BPIFB6: variants seen among roughly 807,000 people sequenced by gnomAD.
BPIFB6 encodes BPI fold-containing family B member 6.
A neutral mutation model predicts 54.7 loss-of-function variants in BPIFB6; 47 were observed. That is an observed-to-expected ratio of 0.86 (90% CI 0.68 to 1.10). The LOEUF is 1.10. BPIFB6 is among the 50% of genes least tolerant of loss of function. The probability of loss-of-function intolerance (pLI) is 0.00; values close to 1 mark genes in which losing one functional copy is unlikely to be tolerated. For synonymous variants in BPIFB6, 255 were observed against 225.9 expected (o/e 1.13, Z -1.16); for missense variants, 603 against 564.1 (o/e 1.07, Z -0.70).
Position 33,042,832 on chromosome 20 carries a change from C to A in BPIFB6, c.1206C>A (p.Gly402=), listed in dbSNP as rs1398213393. ...CTTTCCAGGAGAGGGAATTAACTGG[C>A]TTCATCACCAGCTATCTCGAAGAAG... The part of the protein sequence containing the change: ...IGNFNERELT[G]FITSYLEEAY... The change falls in exon 13 of 15, where the codon GGC becomes GGA. Residue 402 remains glycine, a synonymous_variant. Transcript: ENST00000349552. 2 of 1,614,156 alleles carry A rather than the reference C, an allele frequency of 1.2e-6. No individual in the cohort carries two copies. Among genetic ancestry groups the A allele is most frequent in the South Asian group, 2.2e-5 (2 of 91,082 alleles).
At chr20:33,033,357 G>A (rs1430414648) in intron 2 of BPIFB6, 1 of 545,470 alleles carries the variant, frequency 1.8e-6, no homozygotes, top group Non-Finnish European at 3.5e-6. Context: ...TTTCAACTCT[G>A]CATGCAACAT....
In BPIFB6 at chr20:33,042,786, T is replaced by C. The variant is rs746748239; in HGVS notation, c.1189-29T>C. ...TTGAATGGTATTGGACTGAATGGAA[T>C]GTGGATGCTTTCTCTTTCTTCTTTC... is the stretch of plus-strand genomic sequence containing the variant. On this transcript the variant is annotated intron_variant, in intron 12 of 14. Coordinates refer to ENST00000349552, the MANE Select transcript of BPIFB6 (RefSeq NM_174897.2). 1.1e-5 allele frequency: 18 copies of C among 1,604,150 alleles called. No individual in the cohort carries two copies. The East Asian group carries it at 2.0e-4, about 18-fold the overall frequency.
intron 12 of BPIFB6, among the ~76,000 whole-genome samples, chr20:33,042,276 G>C (rs535433496): frequency 2.7e-4 from 41 of 152,332 alleles, no homozygotes; most frequent in South Asian, 1.7e-3. Flanking sequence ...GGCAGCCTGG[G>C]TTGGCCTTGG....
At chr20:33,043,472 G>A in intron 14 of BPIFB6, 105 bp downstream of exon 14, 1 of 1,061,986 alleles carries the variant, frequency 9.4e-7, no homozygotes, top group Non-Finnish European at 1.5e-6. Context: ...AGCCTGGGAG[G>A]GCAGGTGGCC....
rs1160935194 is a variant in BPIFB6 at position 33,035,623 on chromosome 20, C to T, written c.528C>T (p.Ala176=). 1.2e-6 allele frequency: 2 copies of T among 1,614,214 alleles called. No homozygotes were observed. Among genetic ancestry groups the T allele is most frequent in the African/African-American group, 1.3e-5 (1 of 75,058 alleles). ...TTCTCTGCTTCCAGATGTGTCCCGCCATCGATGCAGTCCTGGTGTATGTGA... is the reference window on the plus strand; with the variant it reads ...TTCTCTGCTTCCAGATGTGTCCCGCTATCGATGCAGTCCTGGTGTATGTGA... ...HKVLPGLMCP[A]IDAVLVYVNR... is the part of the protein sequence containing the mutation. The change falls in exon 6 of 15, where the codon GCC becomes GCT. Residue 176 remains alanine (A), a synonymous_variant. Transcript: ENST00000349552.
intron 2 of BPIFB6, among the ~76,000 whole-genome samples, chr20:33,033,855 C>A (rs1979208583): frequency 6.6e-6 from 1 of 152,118 alleles, no homozygotes; most frequent in African/African-American, 2.4e-5. Context: ...GTGGATAGTG[C>A]CACTTTTGAG....
rs1361473187 is a variant in BPIFB6, at chr20:33,041,893, C to T, written c.1143-77C>T. 7 of 1,399,160 alleles carry T rather than the reference C, an allele frequency of 5.0e-6. No homozygotes were observed. In the African/African-American group the frequency reaches 7.1e-5, roughly 14 times the overall value. The allele number at this position is 1,399,160 out of a possible 1,614,324, so 86.7% of individuals were successfully genotyped here. ...GAGGCGTTGGGGTGCTTGGGACCCC[C>T]TTCTCCAGCGCCAGGGCCACTGGCT... On this transcript the variant is annotated intron_variant, in intron 11 of 14. Coordinates refer to ENST00000349552, the MANE Select transcript of BPIFB6 (RefSeq NM_174897.2).
chr20:33,033,832 T>A (rs1166542087), intron 2 of BPIFB6, among the ~76,000 whole-genome samples: 1 of 152,144 alleles, frequency 6.6e-6, no homozygotes, highest in African/African-American at 2.4e-5. Flanking sequence ...CAAAGAATTA[T>A]CCTGCCCAAA....
chr20:33,042,701 G>A, intron 12 of BPIFB6, 114 bp from the exon 13 acceptor site: 1 of 961,648 alleles, frequency 1.0e-6, no homozygotes, highest in Admixed American at 2.2e-5. Flanking sequence ...CAAACCATTT[G>A]ATGTCTAATA....
Position 33,037,650 on chromosome 20 carries a change from C to T in BPIFB6, c.758C>T (p.Ser253Leu), listed in dbSNP as rs762415914. The change falls in exon 8 of 15, where the codon TCG becomes TTG. Residue 253 changes from serine (S) to leucine (L), a missense_variant. By Grantham distance (145) the Ser-to-Leu change is moderately radical. Coordinates refer to ENST00000349552, the MANE Select transcript of BPIFB6 (RefSeq NM_174897.2). ...LTFPEGYAKG[S>L]SQLLLPATFL... ...TTCCCTGAGGGTTATGCCAAAGGCT[C>T]GTCGCAGCTGCTGCTCCCAGCCACC... The T allele has an allele frequency of 3.7e-6, 6 of 1,614,082 alleles. No individual in the cohort carries two copies. The highest frequency in any genetic ancestry group is 2.2e-5 in the East Asian group (1 of 44,868).
chr20:33,036,381 G>A, intron 6 of BPIFB6, 64 bp from the exon 7 acceptor site: 3 of 1,419,810 alleles, frequency 2.1e-6, no homozygotes, highest in Non-Finnish European at 2.9e-6. Flanking sequence ...GCTGGCTGGT[G>A]CCAGCTTCTC....
intron 7 of BPIFB6, 75 bp downstream of exon 7, chr20:33,036,611 G>C: frequency 7.3e-7 from 1 of 1,374,154 alleles, no homozygotes; most frequent in Non-Finnish European, 1.0e-6. Flanking sequence ...CTTCTGCCAG[G>C]ACAGGTGGCT....
chr20:33,038,795 A>G, intron 8 of BPIFB6, 114 bp from the exon 9 acceptor site: 1 of 987,088 alleles, frequency 1.0e-6, no homozygotes, highest in Non-Finnish European at 1.6e-6. Context: ...CAGAGCGTTA[A>G]GTATTGTGAT....
At chr20:33,043,515 C>A in intron 14 of BPIFB6, 148 bp downstream of exon 14, 1 of 691,316 alleles carries the variant, frequency 1.4e-6, no homozygotes. Flanking sequence ...GAATCTAGAA[C>A]ACTCCTTGAC....
chr20:33,033,124 G>A (rs1693897308), intron 2 of BPIFB6, 41 bp downstream of exon 2: 1 of 1,472,008 alleles, frequency 6.8e-7, no homozygotes, highest in African/African-American at 1.4e-5. Flanking sequence ...GGTTAGGGCA[G>A]AGGGTGGTGG....
chr20:33,041,034 G>A (rs1462358139), intron 11 of BPIFB6, among the ~76,000 whole-genome samples: 1 of 144,452 alleles, frequency 6.9e-6, no homozygotes. Context: ...CTGTTGCCCA[G>A]GCTGGAGTGC....
rs114241539 is a variant in BPIFB6 at position 33,033,892 on chromosome 20, T to C, written c.198-294T>C. 6.0e-3 allele frequency among the ~76,000 whole-genome samples: 911 copies of C among 152,206 alleles called. 7 individuals are homozygous for C. The highest frequency in any genetic ancestry group is 0.021 in the African/African-American group (853 of 41,546). On this transcript the variant is annotated intron_variant, in intron 2 of 14. Coordinates refer to ENST00000349552, the MANE Select transcript of BPIFB6 (RefSeq NM_174897.2). ...AACCCTGATCTAAGCAAGCCTCCCA[T>C]TTTGTTGATGGGGAAATTGTGGCCC... is the stretch of plus-strand genomic sequence containing the variant.
chr20:33,036,611 G>A, intron 7 of BPIFB6, 75 bp downstream of exon 7: 1 of 1,374,154 alleles, frequency 7.3e-7, no homozygotes, highest in Non-Finnish European at 1.0e-6. Context: ...CTTCTGCCAG[G>A]ACAGGTGGCT....
At chr20:33,043,847 G>A (rs921140571) in intron 14 of BPIFB6, among the ~76,000 whole-genome samples, 168 bp from the exon 15 acceptor site, 1 of 152,092 alleles carries the variant, frequency 6.6e-6, no homozygotes, top group East Asian at 1.9e-4. Context: ...GAAAATTGAG[G>A]GTAAGAGAGG....
Sources: gnomAD v4.1 joint callset for allele counts (sites outside exome capture counted in the v4.1 genomes callset) on GRCh38, gnomAD v4.1.1 for gene constraint, MANE v1.5 for transcripts, NCBI Gene and HGNC (gene_info 2026-07-23, HGNC 2026-07-21) for gene names.